The following SCRT1 variants were observed in gnomAD, a reference collection of about 807,000 sequenced individuals.
The protein encoded by SCRT1 is transcriptional repressor scratch 1.
A neutral mutation model predicts 3.4 loss-of-function variants in SCRT1; 1 was observed. That is an observed-to-expected ratio of 0.29 (90% CI 0.10 to 1.39). SCRT1 has a LOEUF of 1.39. Among genes scored for constraint, SCRT1 ranks in the 40% most tolerant of loss-of-function variants. The pLI is 0.42. For synonymous variants in SCRT1, 238 were observed against 247.0 expected, an observed-to-expected ratio of 0.96 and a Z score of 0.34; for missense variants, 380 against 526.3, an observed-to-expected ratio of 0.72 and a Z score of 2.72.
chr8:144,336,176 T>C lies in SCRT1; in HGVS notation c.-7A>G. 5.1e-6 allele frequency: 8 copies of C among 1,581,592 alleles called. No individual in the cohort carries two copies. The highest frequency in any genetic ancestry group is 6.9e-6 in the Non-Finnish European group (8 of 1,161,298). ...CCAGGAAGGACCTGGGCATGATTCC[T>C]GCGGGGCTCCGGCGCTGTGGGCCTG... On this transcript the variant is annotated 5_prime_UTR_variant, in exon 1 of 2. Coordinates refer to ENST00000569446, the MANE Select transcript of SCRT1 (RefSeq NM_031309.6). This position sits in a 1 kb window ranked among gnomAD's most constrained non-coding sequence, Gnocchi z 6.8.
chr8:144,336,166 G>T lies in SCRT1; in HGVS notation c.4C>A (p.Pro2Thr). The T allele has an allele frequency of 6.3e-7, 1 of 1,596,306 alleles. No individual in the cohort carries two copies. Among genetic ancestry groups the T allele is most frequent in the Non-Finnish European group, 8.5e-7 (1 of 1,170,370 alleles). The change falls in exon 1 of 2, where the codon CCC becomes ACC. Residue 2 changes from proline (P) to threonine (T), a missense_variant. Transcript: ENST00000569446. The surrounding 1 kb of genome is among the most constrained non-coding windows in gnomAD (Gnocchi z 6.8). ...ACCTTCTTGACCAGGAAGGACCTGG[G>T]CATGATTCCTGCGGGGCTCCGGCGC... M[P>T]RSFLVKKVKL...
At chr8:144,334,310 A>T (rs1554850113) in intron 1 of SCRT1, among the ~76,000 whole-genome samples, 194 bp from the exon 2 acceptor site, 5 of 151,802 alleles carry the variant, frequency 3.3e-5, no homozygotes, top group Non-Finnish European at 1.5e-5. Flanking sequence ...CAGGGAGGGG[A>T]AGAGAGGGGA....
rs1416193940 is a variant in SCRT1, at chr8:144,333,056, C to T, written c.*129G>A. ...CCTGGCGGGCGGGGCGGGGTGGGACCGGGCCCCCCTCCCCCTATTGCTGTG... is the reference window on the plus strand; with the variant it reads ...CCTGGCGGGCGGGGCGGGGTGGGACTGGGCCCCCCTCCCCCTATTGCTGTG... On this transcript the variant is annotated 3_prime_UTR_variant, in exon 2 of 2. Transcript: ENST00000569446. The T allele has an allele frequency of 7.4e-6, 6 of 807,278 alleles. No individual in the cohort carries two copies. The highest frequency in any genetic ancestry group is 7.4e-6 in the Non-Finnish European group (4 of 542,100). The allele number at this position is 807,278 out of a possible 1,614,324, so 50.0% of individuals were successfully genotyped here.
rs782684238 is a variant in SCRT1, at chr8:144,333,389, G to A, written c.843C>T (p.Cys281=). 3 of 1,607,264 alleles carry A rather than the reference G, an allele frequency of 1.9e-6. No homozygotes were observed. Among genetic ancestry groups the A allele is most frequent in the African/African-American group, 1.3e-5 (1 of 74,890 alleles). ...TGEKPFGCAH[C]GKAFADRSNL... ...TGGAGCGGTCGGCGAAGGCCTTGCCGCAGTGCGCGCAGCCGAAGGGTTTCT... is the reference window on the plus strand; with the variant it reads ...TGGAGCGGTCGGCGAAGGCCTTGCCACAGTGCGCGCAGCCGAAGGGTTTCT... The change falls in exon 2 of 2, where the codon TGC becomes TGT. Residue 281 remains cysteine, a synonymous_variant. Transcript: ENST00000569446.
At position 144,333,585 on chromosome 8, in the gene SCRT1, A is replaced by G. The variant is rs1410974807; in HGVS notation, c.647T>C (p.Leu216Pro). Reference protein sequence around the residue: ...LSRHKQTHRSLDSQLARRCPT... With the variant: ...LSRHKQTHRSPDSQLARRCPT... ...GCAGCGCCGCGCCAGCTGGCTGTCC[A>G]GGCTGCGGTGCGTCTGCTTGTGGCG... Residue 216 changes from leucine (L) to proline (P), a missense_variant, in exon 2 of 2, where the codon CTG (leucine) becomes CCG (proline). Around this residue, in one of 5 missense-constraint regions of SCRT1, gnomAD observed 56 missense variants for 169.3 expected, o/e 0.33. Transcript: ENST00000569446. 1.2e-6 allele frequency: 2 copies of G among 1,610,158 alleles called. No individual in the cohort carries two copies. Among genetic ancestry groups the G allele is most frequent in the African/African-American group, 2.7e-5 (2 of 74,750 alleles).
intron 1 of SCRT1, among the ~76,000 whole-genome samples, chr8:144,334,404 C>T (rs1471581827): frequency 6.6e-6 from 1 of 151,950 alleles, no homozygotes; most frequent in African/African-American, 2.4e-5. Flanking sequence ...CGTCTTCGGG[C>T]GCGGCTGCCC....
chr8:144,332,885 G>A lies in SCRT1; in HGVS notation c.*300C>T. 2.9e-6 allele frequency: 1 copy of A among 349,306 alleles called. No individual in the cohort carries two copies. Among genetic ancestry groups the A allele is most frequent in the Non-Finnish European group, 5.2e-6 (1 of 193,758 alleles). The allele number at this position is 349,306 out of a possible 1,614,324, so 21.6% of individuals were successfully genotyped here. A position where few individuals can be genotyped will look rare whatever the true frequency, so the allele number is the denominator to read the frequency against. ...CTACCTCACCTCACCCCCGTCTTCA[G>A]AGACCCAACTCGGAGATGAGGTTCG... On this transcript the variant is annotated 3_prime_UTR_variant, in exon 2 of 2. Transcript: ENST00000569446.
chr8:144,334,145 A>G (rs1554850080), intron 1 of SCRT1, 29 bp from the exon 2 acceptor site: 2 of 1,043,726 alleles, frequency 1.9e-6, no homozygotes, highest in African/African-American at 1.9e-5. Context: ...GGACAGCGGG[A>G]AGGGAATGGG....
chr8:144,332,071 G>A lies in SCRT1; in HGVS notation c.*1114C>T, dbSNP rs1273241133. On this transcript the variant is annotated 3_prime_UTR_variant, in exon 2 of 2. Coordinates refer to ENST00000569446, the MANE Select transcript of SCRT1 (RefSeq NM_031309.6). ...CTCAGGGGCGGGGCCTGGGTCTCAG[G>A]GGAGGGGCCTGCCTCGGAGAGGCGG... The A allele has an allele frequency of 6.6e-6, 1 of 151,904 alleles. No individual in the cohort carries two copies. The highest frequency in any genetic ancestry group is 6.5e-5 in the Admixed American group (1 of 15,274). 9.4% of individuals were successfully genotyped at this position (151,904 alleles called of 1,614,324 possible).
At position 144,333,404 on chromosome 8, in the gene SCRT1, G is replaced by A. The variant is rs782332028; in HGVS notation, c.828C>T (p.Phe276=). 7 of 1,605,942 alleles carry A rather than the reference G, an allele frequency of 4.4e-6. No individual in the cohort carries two copies. The African/African-American group carries it at 5.3e-5, about 12-fold the overall frequency. The part of the protein sequence containing the change: ...HMRSHTGEKP[F]GCAHCGKAFA... Reference sequence around the variant, plus strand: ...AGGCCTTGCCGCAGTGCGCGCAGCCGAAGGGTTTCTCGCCGGTGTGCGAGC... The same window carrying A: ...AGGCCTTGCCGCAGTGCGCGCAGCCAAAGGGTTTCTCGCCGGTGTGCGAGC... Residue 276 remains phenylalanine (F), a synonymous_variant, in exon 2 of 2, where the codon TTC becomes TTT. Transcript: ENST00000569446.
intron 1 of SCRT1, 120 bp from the exon 2 acceptor site, chr8:144,334,236 C>A: frequency 1.3e-6 from 1 of 747,478 alleles, no homozygotes; most frequent in Non-Finnish European, 2.1e-6. Context: ...GGGAGAGAGG[C>A]GAACAGGGAG....
rs1350430158 is a variant in SCRT1 at position 144,330,785 on chromosome 8, G to C, written c.*2400C>G. ...GGCACAGGCGGGGGTGGGGGCGGGC[G>C]GGCCGGCGGCCGCAGCCCCCACCCG... On this transcript the variant is annotated 3_prime_UTR_variant, in exon 2 of 2. Transcript: ENST00000569446. 1 of 146,970 alleles carries C rather than the reference G, an allele frequency of 6.8e-6. No homozygotes were observed. The highest frequency in any genetic ancestry group is 2.0e-4 in the East Asian group (1 of 4,880). 9.1% of individuals were successfully genotyped at this position (146,970 alleles called of 1,614,324 possible).
rs1435688096 is a variant in SCRT1 at position 144,331,636 on chromosome 8, C to T, written c.*1549G>A. The T allele has an allele frequency of 6.6e-6, 1 of 152,188 alleles. No homozygotes were observed. The highest frequency in any genetic ancestry group is 1.5e-5 in the Non-Finnish European group (1 of 68,054). 9.4% of individuals were successfully genotyped at this position (152,188 alleles called of 1,614,324 possible). A position where few individuals can be genotyped will look rare whatever the true frequency, so the allele number is the denominator to read the frequency against. On this transcript the variant is annotated 3_prime_UTR_variant, in exon 2 of 2. Coordinates refer to ENST00000569446, the MANE Select transcript of SCRT1 (RefSeq NM_031309.6). ...AATGATTAATGCCTGAAGGAGGGGT[C>T]TTGGGGGCAACCACCCCACCCCCGC... is the stretch of plus-strand genomic sequence containing the variant.
chr8:144,330,642 A>T lies in SCRT1; in HGVS notation c.*2543T>A, dbSNP rs1439056375. ...GCTGGTGCTATTGTGCTTAGGAAGG[A>T]GGTCTGTCCGTCCGTCCGTCTGTCC... On this transcript the variant is annotated 3_prime_UTR_variant, in exon 2 of 2. Transcript: ENST00000569446. 1 of 152,076 alleles carries T rather than the reference A, an allele frequency of 6.6e-6. No homozygotes were observed. Among genetic ancestry groups the T allele is most frequent in the African/African-American group, 2.4e-5 (1 of 41,414 alleles). The allele number at this position is 152,076 out of a possible 1,614,324, so 9.4% of individuals were successfully genotyped here.
Position 144,333,707 on chromosome 8 carries a change from G to C in SCRT1, c.525C>G (p.Gly175=). ...GGRGGTRAGA[G]TEARAGPGAA... ...CCCCTGGCCCCGCGCGCGCCTCGGTGCCTGCCCCCGCGCGCGTGCCGCCCC... is the reference window on the plus strand; with the variant it reads ...CCCCTGGCCCCGCGCGCGCCTCGGTCCCTGCCCCCGCGCGCGTGCCGCCCC... Residue 175 remains glycine (G), a synonymous_variant, in exon 2 of 2, where the codon GGC becomes GGG. Transcript: ENST00000569446. The C allele has an allele frequency of 2.6e-6, 3 of 1,169,130 alleles. No homozygotes were observed. In the East Asian group the frequency reaches 1.2e-4, roughly 45 times the overall value. 72.4% of individuals were successfully genotyped at this position (1,169,130 alleles called of 1,614,324 possible).
intron 1 of SCRT1, among the ~76,000 whole-genome samples, chr8:144,334,494 C>G (rs1244669895): frequency 6.8e-6 from 1 of 147,974 alleles, no homozygotes; most frequent in Admixed American, 6.8e-5. Flanking sequence ...TCCCCTCCCC[C>G]TCGGGTTCTC....
chr8:144,334,565 A>G (rs1387160247), intron 1 of SCRT1, among the ~76,000 whole-genome samples: 2 of 148,662 alleles, frequency 1.3e-5, no homozygotes, highest in Non-Finnish European at 3.0e-5. Flanking sequence ...GCACAAAGCC[A>G]GGACTGCCGG....
At position 144,332,629 on chromosome 8, in the gene SCRT1, C is replaced by G. The variant is rs1554849707; in HGVS notation, c.*556G>C. 6.6e-6 allele frequency: 1 copy of G among 152,536 alleles called. No individual in the cohort carries two copies. The highest frequency in any genetic ancestry group is 2.4e-5 in the African/African-American group (1 of 41,412). 9.4% of individuals were successfully genotyped at this position (152,536 alleles called of 1,614,324 possible). ...GGGTGCCGCCGTCCGCCCCTCTCCCCGACCCACAACGCGTCTAACACTGCC... is the reference window on the plus strand; with the variant it reads ...GGGTGCCGCCGTCCGCCCCTCTCCCGGACCCACAACGCGTCTAACACTGCC... On this transcript the variant is annotated 3_prime_UTR_variant, in exon 2 of 2. Coordinates refer to ENST00000569446, the MANE Select transcript of SCRT1 (RefSeq NM_031309.6).
In SCRT1 at chr8:144,336,389, C is replaced by T. The variant is rs1401996729; in HGVS notation, c.-220G>A. The stretch of plus-strand genomic sequence containing the variant: ...CTTCTTCCTCCTTCCTTCAATCCTT[C>T]CTTCCTTCCTTCAATCCTTCCTTCC... On this transcript the variant is annotated 5_prime_UTR_variant, in exon 1 of 2. Coordinates refer to ENST00000569446, the MANE Select transcript of SCRT1 (RefSeq NM_031309.6). The surrounding 1 kb of genome is among the most constrained non-coding windows in gnomAD (Gnocchi z 6.8). 4.2e-6 allele frequency: 2 copies of T among 473,598 alleles called. No homozygotes were observed. Among genetic ancestry groups the T allele is most frequent in the Non-Finnish European group, 7.6e-6 (2 of 264,732 alleles). The allele number at this position is 473,598 out of a possible 1,614,324, so 29.3% of individuals were successfully genotyped here.
Sources: gnomAD v4.1 joint callset for allele counts (sites outside exome capture counted in the v4.1 genomes callset) on GRCh38, gnomAD v4.1.1 for gene constraint, gnomAD v4.1.1 regional missense constraint, Gnocchi (gnomAD v3.1) non-coding constraint, MANE v1.5 for transcripts, NCBI Gene and HGNC (gene_info 2026-07-23, HGNC 2026-07-21) for gene names.